Variants in AFG2A observed in about 807,000 individuals in gnomAD.
AFG2A encodes the protein AAA ATPase AFG2A.
chr4:123,015,631 G>A, the AFG2A span, among the ~76,000 whole-genome samples: 36 of 150,882 alleles, frequency 2.4e-4, no homozygotes, highest in Non-Finnish European at 2.5e-4. Context: ...TCCTTTCCCC[G>A]CCTTTCTCCC....
At chr4:122,989,839 C>A in the AFG2A span, among the ~76,000 whole-genome samples, 1 of 152,124 alleles carries the variant, frequency 6.6e-6, no homozygotes, top group African/African-American at 2.4e-5. Context: ...TTCCTAGATT[C>A]TTCAATGCAT....
the AFG2A span, chr4:122,929,222 A>G: frequency 2.1e-4 from 332 of 1,545,272 alleles, no homozygotes; most frequent in Non-Finnish European, 2.7e-4. Context: ...TTTGGTGACT[A>G]TCTGGATCAA....
the AFG2A span, among the ~76,000 whole-genome samples, chr4:123,296,768 G>A: frequency 6.6e-6 from 1 of 152,126 alleles, no homozygotes; most frequent in Non-Finnish European, 1.5e-5. Flanking sequence ...AAAATATTAA[G>A]AAGAAAACAA....
the AFG2A span, among the ~76,000 whole-genome samples, chr4:123,277,901 C>A: frequency 1.7e-4 from 26 of 152,156 alleles, no homozygotes; most frequent in East Asian, 4.8e-3. Flanking sequence ...ATTTTTGTAT[C>A]GATGTCTATC....
At chr4:123,008,658 A>G in the AFG2A span, among the ~76,000 whole-genome samples, 5 of 147,916 alleles carry the variant, frequency 3.4e-5, no homozygotes, top group South Asian at 2.1e-4. Flanking sequence ...CATTTTTAGG[A>G]AAAAAAAGCT....
At chr4:123,200,285 A>G in the AFG2A span, among the ~76,000 whole-genome samples, 1 of 152,248 alleles carries the variant, frequency 6.6e-6, no homozygotes, top group Non-Finnish European at 1.5e-5. Context: ...CACATTTTCT[A>G]TGTTAATACA....
the AFG2A span, among the ~76,000 whole-genome samples, chr4:123,211,530 C>T: frequency 6.6e-6 from 1 of 152,154 alleles, no homozygotes; most frequent in Non-Finnish European, 1.5e-5. Flanking sequence ...GCTGTCACAA[C>T]ATACAAGCTG....
At chr4:122,929,661 T>G in the AFG2A span, among the ~76,000 whole-genome samples, 1 of 151,840 alleles carries the variant, frequency 6.6e-6, no homozygotes. Context: ...ATCGCGCCAC[T>G]GCACTCCAGC....
chr4:122,959,265 T>C, the AFG2A span, among the ~76,000 whole-genome samples: 1 of 152,208 alleles, frequency 6.6e-6, no homozygotes, highest in Non-Finnish European at 1.5e-5. Flanking sequence ...CTCCCAGAAG[T>C]TTTTTGTGAT....
chr4:123,170,671 C>G, the AFG2A span, among the ~76,000 whole-genome samples: 1 of 152,094 alleles, frequency 6.6e-6, no homozygotes. Flanking sequence ...TTGGTGACAT[C>G]GTATTAATAT....
At chr4:123,144,087 C>T in the AFG2A span, among the ~76,000 whole-genome samples, 1 of 151,886 alleles carries the variant, frequency 6.6e-6, no homozygotes, top group Admixed American at 6.6e-5. Flanking sequence ...GTGTGGTATA[C>T]CTGGGGAAAA....
chr4:123,279,516 A>C, the AFG2A span, among the ~76,000 whole-genome samples: 1 of 152,198 alleles, frequency 6.6e-6, no homozygotes, highest in Admixed American at 6.5e-5. Context: ...AATTAGGAAA[A>C]GGTAAATTTG....
At chr4:123,109,300 C>T in the AFG2A span, among the ~76,000 whole-genome samples, 1 of 152,124 alleles carries the variant, frequency 6.6e-6, no homozygotes, top group Admixed American at 6.5e-5. Context: ...GATTGGAAAA[C>T]TACTGTGCTC....
At chr4:123,297,822 A>C in the AFG2A span, among the ~76,000 whole-genome samples, 1 of 152,222 alleles carries the variant, frequency 6.6e-6, no homozygotes, top group Admixed American at 6.5e-5. Context: ...CTGAGCAGGA[A>C]TTCCAAAATG....
the AFG2A span, among the ~76,000 whole-genome samples, chr4:123,092,727 C>T: frequency 1.3e-5 from 2 of 152,192 alleles, no homozygotes; most frequent in African/African-American, 4.8e-5. Context: ...TCTAAACTCA[C>T]ATGATTGTGG....
At chr4:122,950,691 C>T in the AFG2A span, among the ~76,000 whole-genome samples, 2 of 152,194 alleles carry the variant, frequency 1.3e-5, no homozygotes, top group African/African-American at 4.8e-5. Context: ...TGTTCTGGTC[C>T]TTTTATGGTG....
At chr4:123,274,485 T>C in the AFG2A span, among the ~76,000 whole-genome samples, 15 of 152,046 alleles carry the variant, frequency 9.9e-5, no homozygotes, top group Admixed American at 8.5e-4. Context: ...TAAAGAGACC[T>C]AGTTACTTCA....
chr4:122,935,775 C>T, the AFG2A span: 27 of 1,612,714 alleles, frequency 1.7e-5, 1 homozygote, highest in South Asian at 3.3e-5. Flanking sequence ...AAACAATGAT[C>T]GCCAGGGCTG....
the AFG2A span, among the ~76,000 whole-genome samples, chr4:123,191,925 G>C: frequency 3.9e-5 from 6 of 151,936 alleles, no homozygotes; most frequent in African/African-American, 1.5e-4. Flanking sequence ...TTGTAGGAGC[G>C]TTTAACATCA....
Sources: allele counts gnomAD v4.1 joint callset (sites outside exome capture counted in the v4.1 genomes callset), GRCh38; gene constraint gnomAD v4.1.1; transcripts MANE v1.5; gene names NCBI Gene and HGNC (gene_info 2026-07-23, HGNC 2026-07-21).